Variants in LACTBL1 observed in about 807,000 individuals in gnomAD.
The protein encoded by LACTBL1 is lactamase beta like 1, also known as beta-lactamase-like protein 1.
LACTBL1 carries 29 observed loss-of-function variants against 39.6 expected under a neutral mutation model. The observed-to-expected ratio is 0.73, with a 90% CI of 0.55 to 1.00. LACTBL1 has a LOEUF of 1.00. LACTBL1 is among the 50% of genes least tolerant of loss of function. The probability of loss-of-function intolerance (pLI) is 0.00; values close to 1 mark genes in which losing one functional copy is unlikely to be tolerated. For missense variants in LACTBL1, 711 were observed against 748.5 expected, an observed-to-expected ratio of 0.95 and a Z score of 0.59; for synonymous variants, 361 against 360.7, an observed-to-expected ratio of 1.00 and a Z score of -0.01.
At chr1:22,955,853 G>A (rs573834722) in intron 4 of LACTBL1, among the ~76,000 whole-genome samples, 11 of 149,986 alleles carry the variant, frequency 7.3e-5, no homozygotes, top group South Asian at 2.1e-4. Context: ...GCCTGAGGTC[G>A]GAGTTCAAGA....
At chr1:22,959,789 G>A (rs777483696) in intron 3 of LACTBL1, among the ~76,000 whole-genome samples, 153 bp downstream of exon 5, 3 of 152,148 alleles carry the variant, frequency 2.0e-5, no homozygotes, top group Non-Finnish European at 4.4e-5. Flanking sequence ...TCTGGACTTC[G>A]GTCTCCTCTT....
At chr1:22,963,591 C>T (rs1363532346) in intron 1 of LACTBL1, among the ~76,000 whole-genome samples, 3 of 152,202 alleles carry the variant, frequency 2.0e-5, no homozygotes, top group Admixed American at 1.3e-4. Flanking sequence ...GGGTGGACTT[C>T]GAGCCCCACT....
chr1:22,956,559 C>G (rs945225465), intron 4 of LACTBL1, among the ~76,000 whole-genome samples: 1 of 152,088 alleles, frequency 6.6e-6, no homozygotes, highest in African/African-American at 2.4e-5. Flanking sequence ...CAGATATGAC[C>G]AAAGGCGTCT....
At chr1:22,961,045 G>A (rs1446088824) in intron 2 of LACTBL1, among the ~76,000 whole-genome samples, 2 of 152,056 alleles carry the variant, frequency 1.3e-5, no homozygotes, top group African/African-American at 2.4e-5. Flanking sequence ...CTCCCAACAT[G>A]CTGTGATTAC....
intron 4 of LACTBL1, among the ~76,000 whole-genome samples, chr1:22,956,887 G>A (rs309509): frequency 0.49 from 74,134 of 151,750 alleles, 18,401 homozygotes; most frequent in Non-Finnish European, 0.53. Context: ...AAATCAAAGA[G>A]TATACAATGG....
At chr1:22,966,505 T>C (rs1462529642), upstream of LACTBL1, among the ~76,000 whole-genome samples, 1 of 152,124 alleles carries the variant, frequency 6.6e-6, no homozygotes, top group Non-Finnish European at 1.5e-5. Context: ...AAAGGAGACA[T>C]CACTACAGAT....
chr1:22,963,005 G>A (rs1256255734), intron 2 of LACTBL1, 102 bp downstream of exon 4: 12 of 509,512 alleles, frequency 2.4e-5, no homozygotes, highest in Admixed American at 4.4e-5. Flanking sequence ...CATGTTGGAC[G>A]GATGAATGAA....
intron 1 of LACTBL1, among the ~76,000 whole-genome samples, chr1:22,963,465 C>T (rs950065804): frequency 4.6e-5 from 7 of 152,224 alleles, no homozygotes; most frequent in Non-Finnish European, 7.3e-5. Flanking sequence ...TCCCCTCTCT[C>T]TTGCTTAACC....
chr1:22,959,868 T>G lies in LACTBL1; in HGVS notation c.317+74A>C. 2.7e-6 allele frequency: 4 copies of G among 1,501,306 alleles called. No homozygotes were observed. In the South Asian group the frequency reaches 5.0e-5, roughly 19 times the overall value. 93.0% of individuals were successfully genotyped at this position (1,501,306 alleles called of 1,614,324 possible). ...ACCCCAGCCATGATTCTCTTCAGTATCCTTACCTCCTAGGTCTCCCTTGCC... is the reference window on the plus strand; with the variant it reads ...ACCCCAGCCATGATTCTCTTCAGTAGCCTTACCTCCTAGGTCTCCCTTGCC... On this transcript the variant is annotated intron_variant, in intron 3 of 5. Transcript: ENST00000426928.
exon 6 of LACTBL1, chr1:22,953,716 G>GGCCGCAGGA: frequency 3.0e-6 from 4 of 1,332,176 alleles, no homozygotes; most frequent in Non-Finnish European, 3.8e-6. Context: ...GGCCGCGTCG[G>GGCCGCAGGA]GCCGCAGGAG....
the LACTBL1 span, chr1:22,972,431 G>T: frequency 2.0e-6 from 2 of 985,112 alleles, no homozygotes; most frequent in African/African-American, 3.5e-5. Context: ...GTCCTGAGGG[G>T]CTGGAAAAAG....
intron 4 of LACTBL1, among the ~76,000 whole-genome samples, 172 bp downstream of exon 6, chr1:22,958,513 C>A (rs1178544838): frequency 1.3e-5 from 2 of 152,246 alleles, no homozygotes; most frequent in African/African-American, 4.8e-5. Flanking sequence ...TCAGCTTTTA[C>A]CTCGAGAGAT....
chr1:22,967,421 G>A (rs1447402095), upstream of LACTBL1, among the ~76,000 whole-genome samples: 1 of 152,008 alleles, frequency 6.6e-6, no homozygotes, highest in African/African-American at 2.4e-5. Flanking sequence ...GTATATACCT[G>A]TGGTCCCAGC....
intron 2 of LACTBL1, 132 bp from the exon 5 acceptor site, chr1:22,960,231 G>T (rs1640806078): frequency 1.9e-6 from 2 of 1,075,366 alleles, no homozygotes; most frequent in Non-Finnish European, 2.6e-6. Flanking sequence ...TATGCCCCAT[G>T]GGCTGGGGCC....
At chr1:22,965,474 G>A (rs2124239371), upstream of LACTBL1, 1 of 1,222,626 alleles carries the variant, frequency 8.2e-7, no homozygotes. Context: ...GTCAGTCAGA[G>A]GGAAGAGAGG....
intron 2 of LACTBL1, 134 bp from the exon 5 acceptor site, chr1:22,960,233 G>T: frequency 6.6e-6 from 7 of 1,056,462 alleles, no homozygotes; most frequent in Non-Finnish European, 9.4e-6. Context: ...TGCCCCATGG[G>T]CTGGGGCCCC....
chr1:22,965,352 A>G (rs779428985), upstream of LACTBL1: 1 of 1,278,948 alleles, frequency 7.8e-7, no homozygotes, highest in Non-Finnish European at 9.9e-7. Flanking sequence ...CACTGAGAGC[A>G]GGCAGAAGAA....
exon 3 of LACTBL1, chr1:22,960,023 G>A (rs1361561544): frequency 1.3e-6 from 2 of 1,550,988 alleles, no homozygotes; most frequent in Admixed American, 2.0e-5. Flanking sequence ...CCAGAGCACA[G>A]TATCATTGTG....
chr1:22,961,763 G>A (rs776989211), intron 2 of LACTBL1, among the ~76,000 whole-genome samples: 37 of 151,688 alleles, frequency 2.4e-4, no homozygotes, highest in Non-Finnish European at 4.6e-4. Flanking sequence ...CACTAACTTT[G>A]CCTTTCTTTT....
Sources: allele counts gnomAD v4.1 joint callset (sites outside exome capture counted in the v4.1 genomes callset), GRCh38; gene constraint gnomAD v4.1.1; transcripts MANE v1.5; gene names NCBI Gene and HGNC (gene_info 2026-07-23, HGNC 2026-07-21).